The following SLC8A1 variants were observed in gnomAD, a reference collection of about 807,000 sequenced individuals.
SLC8A1 encodes solute carrier family 8 member A1, also known as sodium/calcium exchanger 1.
SLC8A1 carries 18 observed loss-of-function variants against 68.3 expected under a neutral mutation model. That is an observed-to-expected ratio of 0.26 (90% confidence interval 0.18 to 0.39). The LOEUF is 0.39. Ranked by LOEUF, SLC8A1 falls within the 10% of genes least tolerant of loss-of-function variation. SLC8A1 has a pLI of 1.00. For missense variants in SLC8A1, 985 were observed against 1,156.7 expected (o/e 0.85, Z 2.15); for synonymous variants, 475 against 415.5 (o/e 1.14, Z -1.74).
intron 2 of SLC8A1, among the ~76,000 whole-genome samples, chr2:40,335,124 G>T (rs1665526357): frequency 6.6e-6 from 1 of 152,020 alleles, no homozygotes; most frequent in Non-Finnish European, 1.5e-5. Context: ...ATAGATATAG[G>T]GAAATAGTTT....
chr2:40,360,138 G>T (rs1487465559), intron 2 of SLC8A1, among the ~76,000 whole-genome samples: 2 of 152,040 alleles, frequency 1.3e-5, no homozygotes, highest in Admixed American at 1.3e-4. Flanking sequence ...GTAAAATGAG[G>T]CTCAAAATTG....
chr2:40,238,184 G>T (rs1453895702), intron 2 of SLC8A1, among the ~76,000 whole-genome samples: 1 of 152,058 alleles, frequency 6.6e-6, no homozygotes, highest in African/African-American at 2.4e-5. Context: ...CTGGGCAATG[G>T]CGGGCGCCCC....
At chr2:40,199,596 G>A (rs1439139021) in intron 2 of SLC8A1, among the ~76,000 whole-genome samples, 1 of 151,572 alleles carries the variant, frequency 6.6e-6, no homozygotes, top group Non-Finnish European at 1.5e-5. Flanking sequence ...CTCTTTGTAT[G>A]TGTAGGACTA....
At chr2:40,442,454 G>T (rs184564214) in intron 1 of SLC8A1, among the ~76,000 whole-genome samples, 2 of 147,056 alleles carry the variant, frequency 1.4e-5, no homozygotes, top group African/African-American at 2.5e-5. Context: ...GATATGAACA[G>T]ACGCTTATCA....
intron 2 of SLC8A1, among the ~76,000 whole-genome samples, chr2:40,313,256 G>A (rs1468749090): frequency 2.6e-5 from 4 of 152,060 alleles, no homozygotes; most frequent in Non-Finnish European, 4.4e-5. Flanking sequence ...AGTCATCCAT[G>A]TTGTGTGATA....
intron 2 of SLC8A1, among the ~76,000 whole-genome samples, chr2:40,281,391 C>A (rs1402415782): frequency 6.6e-6 from 1 of 152,194 alleles, no homozygotes; most frequent in African/African-American, 2.4e-5. Context: ...TGTTGGTCAG[C>A]ATTCTCAGTG....
intron 2 of SLC8A1, among the ~76,000 whole-genome samples, chr2:40,253,309 C>CATATATACACACACATATATGTGTAT (rs1261861731): frequency 1.4e-3 from 207 of 150,430 alleles, no homozygotes; most frequent in African/African-American, 4.5e-3. Context: ...CATATATACA[C>CATATATACACACACATATATGTGTAT]ATATATACAC....
chr2:40,336,241 T>C (rs1372506126), intron 2 of SLC8A1, among the ~76,000 whole-genome samples: 1 of 152,214 alleles, frequency 6.6e-6, no homozygotes, highest in East Asian at 1.9e-4. Flanking sequence ...TGCATTGTAA[T>C]TGCCTGTCCT....
chr2:40,341,460 T>C (rs1037239940), intron 2 of SLC8A1, among the ~76,000 whole-genome samples: 1 of 152,208 alleles, frequency 6.6e-6, no homozygotes, highest in Admixed American at 6.5e-5. Flanking sequence ...GTTCTGGGCA[T>C]CTTTGCAGGT....
chr2:40,200,230 A>ATT (rs2054024374), intron 2 of SLC8A1, among the ~76,000 whole-genome samples: 1 of 30,306 alleles, frequency 3.3e-5, no homozygotes, highest in African/African-American at 9.7e-5. Context: ...TTTTTTATAT[A>ATT]TATATATAAA....
intron 6 of SLC8A1, among the ~76,000 whole-genome samples, chr2:40,150,341 C>A (rs963530039): frequency 3.3e-5 from 5 of 152,206 alleles, no homozygotes; most frequent in African/African-American, 2.4e-5. Flanking sequence ...TGTGGCTCCT[C>A]TCTGCCTATG....
At chr2:40,161,996 CATA>C (rs2148458029) in intron 5 of SLC8A1, among the ~76,000 whole-genome samples, 1 of 152,302 alleles carries the variant, frequency 6.6e-6, no homozygotes, top group South Asian at 2.1e-4. Flanking sequence ...AAAACCAAAT[CATA>C]ATATCAAGCA....
chr2:40,240,184 G>A (rs1250700183), intron 2 of SLC8A1, among the ~76,000 whole-genome samples: 1 of 152,184 alleles, frequency 6.6e-6, no homozygotes, highest in African/African-American at 2.4e-5. Context: ...AAATATGAGT[G>A]GGAAATGATT....
chr2:40,339,476 C>G (rs1667030922), intron 2 of SLC8A1, among the ~76,000 whole-genome samples: 1 of 152,186 alleles, frequency 6.6e-6, no homozygotes, highest in South Asian at 2.1e-4. Context: ...TTTATGTACA[C>G]TTGGTTTTAG....
rs147651742 is a variant in SLC8A1 at position 40,222,638 on chromosome 2, A to G, written c.1809-44783T>C. ...AATCTATCCATCTGACAAAGGGCTA[A>G]TATCCAGAATCTACAAAGAACTTTA... On this transcript the variant is annotated intron_variant, in intron 2 of 7. Coordinates refer to ENST00000406785, the Ensembl canonical transcript of SLC8A1. Among the ~76,000 whole-genome samples, 953 of 152,352 alleles carry G rather than the reference A, an allele frequency of 6.3e-3. 9 individuals carry two copies. The highest frequency in any genetic ancestry group is 0.021 in the African/African-American group (882 of 41,580).
chr2:40,418,857 T>C (rs991153219), intron 2 of SLC8A1, among the ~76,000 whole-genome samples: 3 of 152,022 alleles, frequency 2.0e-5, no homozygotes, highest in Non-Finnish European at 4.4e-5. Context: ...AGCCCTGTAG[T>C]TTTCTTCTGG....
At chr2:40,419,693 T>A (rs1180171270) in intron 2 of SLC8A1, among the ~76,000 whole-genome samples, 1 of 152,162 alleles carries the variant, frequency 6.6e-6, no homozygotes, top group Non-Finnish European at 1.5e-5. Flanking sequence ...AAACTTATCC[T>A]TGTAACATTA....
intron 2 of SLC8A1, among the ~76,000 whole-genome samples, chr2:40,229,714 C>A (rs2059413505): frequency 6.6e-6 from 1 of 152,120 alleles, no homozygotes; most frequent in South Asian, 2.1e-4. Flanking sequence ...CTATACTTTT[C>A]TAGAGTGCTT....
At chr2:40,277,812 A>G (rs1358904423) in intron 2 of SLC8A1, among the ~76,000 whole-genome samples, 16 of 143,418 alleles carry the variant, frequency 1.1e-4, no homozygotes, top group Admixed American at 9.0e-4. Context: ...ATATATATAT[A>G]TATATATATA....
Sources: allele counts gnomAD v4.1 joint callset (sites outside exome capture counted in the v4.1 genomes callset), GRCh38; gene constraint gnomAD v4.1.1; transcripts MANE v1.5; gene names NCBI Gene and HGNC (gene_info 2026-07-23, HGNC 2026-07-21).